The following MRTFB variants were observed in gnomAD, a reference collection of about 807,000 sequenced individuals.
MRTFB encodes myocardin related transcription factor B, also known as myocardin-related transcription factor B.
In MRTFB, 29 loss-of-function variants were observed where a neutral mutation model predicts 104.2. The ratio of observed to expected loss-of-function variants is 0.28; its 90% CI spans 0.21 to 0.38. The LOEUF (loss-of-function observed/expected upper bound fraction) is 0.38, where lower values mean the gene tolerates loss of function less well. MRTFB is among the 10% of genes least tolerant of loss of function. MRTFB has a pLI of 1.00. For synonymous variants in MRTFB, 535 were observed against 519.5 expected, an observed-to-expected ratio of 1.03 and a Z score of -0.41; for missense variants, 1,270 against 1,341.6, an observed-to-expected ratio of 0.95 and a Z score of 0.83.
chr16:14,008,855 C>A, the MRTFB span, among the ~76,000 whole-genome samples: 176 of 149,756 alleles, frequency 1.2e-3, no homozygotes, highest in African/African-American at 4.1e-3. Context: ...TTTCTTTCAA[C>A]AATGTTATAT....
At chr16:14,248,268 A>C (rs2043108439) in intron 12 of MRTFB, 1 of 152,368 alleles carries the variant, frequency 6.6e-6, no homozygotes, top group Non-Finnish European at 1.5e-5. Context: ...AGTGCTCCTC[A>C]GCCTCGACAC....
intron 3 of MRTFB, 24 bp from the exon 4 acceptor site, chr16:14,210,219 A>T: frequency 6.3e-7 from 1 of 1,599,880 alleles, no homozygotes; most frequent in African/African-American, 1.3e-5. Context: ...ATAAACTCCA[A>T]TGGTGATTAT....
At chr16:14,037,289 T>C in the MRTFB span, among the ~76,000 whole-genome samples, 240 of 152,326 alleles carry the variant, frequency 1.6e-3, no homozygotes, top group Non-Finnish European at 2.6e-3. Context: ...TTGCTGGCGC[T>C]CAATAGATGG....
At chr16:14,127,995 C>A (rs1214916935) in intron 2 of MRTFB, among the ~76,000 whole-genome samples, 1 of 138,688 alleles carries the variant, frequency 7.2e-6, no homozygotes, top group Non-Finnish European at 1.5e-5. Context: ...CTGGCCAAGT[C>A]CAGGTCCATT....
chr16:14,023,638 C>CATATAA, the MRTFB span, among the ~76,000 whole-genome samples: 5 of 124,654 alleles, frequency 4.0e-5, no homozygotes, highest in Non-Finnish European at 7.1e-5. Flanking sequence ...TATACATATA[C>CATATAA]ATATACATAT....
chr16:14,079,764 A>G (rs1378160306), intron 2 of MRTFB, among the ~76,000 whole-genome samples: 2 of 151,968 alleles, frequency 1.3e-5, no homozygotes, highest in African/African-American at 2.4e-5. Context: ...TTTTTTTACT[A>G]TAATAATGAA....
intron 2 of MRTFB, chr16:14,092,665 T>G (rs1270995416): frequency 6.6e-6 from 1 of 152,256 alleles, no homozygotes; most frequent in Non-Finnish European, 1.5e-5. Context: ...AGACAGATTC[T>G]ATTTCCTTTT....
At position 14,176,341 on chromosome 16, in the gene MRTFB, C is replaced by T. The variant is rs78757323; in HGVS notation, c.155-33902C>T. Among the ~76,000 whole-genome samples, 490 of 152,186 alleles carry T rather than the reference C, an allele frequency of 3.2e-3. 4 individuals carry two copies. The highest frequency in any genetic ancestry group is 0.011 in the African/African-American group (444 of 41,516). On this transcript the variant is annotated intron_variant, in intron 3 of 16. Transcript: ENST00000571589. ...CAGCTCGCAAAGATTATAAAATTTA[C>T]GAAGATGGGGTAAGGGGTTTCGGAA...
intron 3 of MRTFB, among the ~76,000 whole-genome samples, chr16:14,146,025 G>T (rs2038293693): frequency 6.6e-6 from 1 of 152,248 alleles, no homozygotes; most frequent in African/African-American, 2.4e-5. Flanking sequence ...CCTCAGGGAT[G>T]CTGGCTGGTG....
Position 14,264,890 on chromosome 16 carries a change from C to T in MRTFB, c.*3446C>T, listed in dbSNP as rs2043893979. On this transcript the variant is annotated 3_prime_UTR_variant, in exon 17 of 17. Transcript: ENST00000571589. ...CTCAACCCCAGATCATTCCAGGCAG[C>T]ATAGCTTTCTTCACAGTCCTTTCAG... 1.3e-5 allele frequency: 2 copies of T among 152,286 alleles called. No homozygotes were observed. The highest frequency in any genetic ancestry group is 2.9e-5 in the Non-Finnish European group (2 of 68,082). 9.4% of individuals were successfully genotyped at this position (152,286 alleles called of 1,614,324 possible). A position where few individuals can be genotyped will look rare whatever the true frequency, so the allele number is the denominator to read the frequency against.
At position 14,151,315 on chromosome 16, in the gene MRTFB, CCTAA is replaced by C. The variant is rs972136749; in HGVS notation, c.154+10558_154+10561del. ...ATATATTTTATACATTCACAACATA[CCTAA>C]CTTTTTCTTAATTCTTTTGATATTT... is the stretch of plus-strand genomic sequence containing the variant. On this transcript the variant is annotated intron_variant, in intron 3 of 16. Coordinates refer to ENST00000571589, the MANE Select transcript of MRTFB (RefSeq NM_001308142.2). 6 of 152,216 alleles carry C rather than the reference CCTAA, an allele frequency of 3.9e-5. No individual in the cohort carries two copies. In the East Asian group the frequency reaches 5.8e-4, roughly 15 times the overall value. The allele number at this position is 152,216 out of a possible 1,614,324, so 9.4% of individuals were successfully genotyped here. A position where few individuals can be genotyped will look rare whatever the true frequency, so the allele number is the denominator to read the frequency against.
the MRTFB span, among the ~76,000 whole-genome samples, chr16:14,039,760 C>CTTTTTT: frequency 2.5e-5 from 3 of 121,940 alleles, no homozygotes; most frequent in Admixed American, 9.0e-5. Flanking sequence ...ATAATATGTT[C>CTTTTTT]TTTTTTTTTT....
chr16:14,195,582 T>C (rs984444408), intron 3 of MRTFB: 1 of 985,244 alleles, frequency 1.0e-6, no homozygotes, highest in Non-Finnish European at 1.2e-6. Context: ...TGCTTACTAT[T>C]CTGGGAAAAA....
At chr16:14,108,548 C>G (rs1055734679) in intron 2 of MRTFB, among the ~76,000 whole-genome samples, 62 of 152,162 alleles carry the variant, frequency 4.1e-4, no homozygotes, top group Admixed American at 1.1e-3. Flanking sequence ...GAGAGATGGT[C>G]AAGTAAGCTA....
Position 14,261,507 on chromosome 16 carries a change from G to A in MRTFB, c.*63G>A, listed in dbSNP as rs768061242. 15 of 1,446,864 alleles carry A rather than the reference G, an allele frequency of 1.0e-5. No individual in the cohort carries two copies. Among genetic ancestry groups the A allele is most frequent in the Non-Finnish European group, 1.4e-5 (15 of 1,069,352 alleles). The allele number at this position is 1,446,864 out of a possible 1,614,324, so 89.6% of individuals were successfully genotyped here. A position where few individuals can be genotyped will look rare whatever the true frequency, so the allele number is the denominator to read the frequency against. ...AGAACATGAAGATTCTAAAAGGTCA[G>A]TTTTTAGAGATAGATCTATAGTTGC... is the stretch of plus-strand genomic sequence containing the variant. On this transcript the variant is annotated 3_prime_UTR_variant, in exon 17 of 17. Transcript: ENST00000571589.
At chr16:14,003,640 GCCTC>G in the MRTFB span, among the ~76,000 whole-genome samples, 47 of 146,796 alleles carry the variant, frequency 3.2e-4, no homozygotes, top group East Asian at 2.2e-3. Context: ...CTGCCTGCCT[GCCTC>G]CCTCCCTCCC....
chr16:14,150,369 A>G (rs1331381042), intron 3 of MRTFB, among the ~76,000 whole-genome samples: 1 of 152,190 alleles, frequency 6.6e-6, no homozygotes, highest in Non-Finnish European at 1.5e-5. Flanking sequence ...GGGTTGGAGC[A>G]CTGACCCCCG....
intron 3 of MRTFB, chr16:14,141,440 T>G (rs1567374878): frequency 6.6e-6 from 1 of 152,244 alleles, no homozygotes; most frequent in Non-Finnish European, 1.5e-5. Context: ...AAAGTAATGT[T>G]AAAATTTGCA....
chr16:14,038,075 A>G, the MRTFB span, among the ~76,000 whole-genome samples: 1 of 152,296 alleles, frequency 6.6e-6, no homozygotes, highest in South Asian at 2.1e-4. Context: ...AAACAACAGA[A>G]ACTTATTTTC....
Sources: allele counts gnomAD v4.1 joint callset (sites outside exome capture counted in the v4.1 genomes callset), GRCh38; gene constraint gnomAD v4.1.1; transcripts MANE v1.5; gene names NCBI Gene and HGNC (gene_info 2026-07-23, HGNC 2026-07-21).